Variants in SLC5A10 observed in about 807,000 individuals in gnomAD.
SLC5A10 encodes the protein sodium/mannose cotransporter SLC5A10.
In SLC5A10, 55 loss-of-function variants were observed where a neutral mutation model predicts 68.9. The observed-to-expected ratio is 0.80, with a 90% confidence interval of 0.64 to 1.00. The LOEUF (loss-of-function observed/expected upper bound fraction) is 1.00, where lower values mean the gene tolerates loss of function less well. Among genes scored for constraint, SLC5A10 ranks in the 50% least tolerant of loss-of-function variants. SLC5A10 has a pLI of 0.00. For synonymous variants in SLC5A10, 344 were observed against 344.8 expected (o/e 1.00, Z 0.02); for missense variants, 732 against 819.3 (o/e 0.89, Z 1.30).
In SLC5A10 at chr17:18,952,318, T is replaced by A; in HGVS notation, c.111+2T>A. ...CTGAATGTGGCCGTGGGCATATGGGTAAGGGGACCTGTGGTGGTGTTGGCC... is the reference window on the plus strand; with the variant it reads ...CTGAATGTGGCCGTGGGCATATGGGAAAGGGGACCTGTGGTGGTGTTGGCC... On this transcript the variant is annotated splice_donor_variant, in intron 1 of 14. Coordinates refer to ENST00000395645, the MANE Select transcript of SLC5A10 (RefSeq NM_001042450.4). LOFTEE classifies it high-confidence loss of function. 6.2e-7 allele frequency: 1 copy of A among 1,610,610 alleles called. No individual in the cohort carries two copies. The highest frequency in any genetic ancestry group is 8.5e-7 in the Non-Finnish European group (1 of 1,178,308).
chr17:19,016,354 T>A (rs960899334), intron 11 of SLC5A10, among the ~76,000 whole-genome samples: 1 of 152,178 alleles, frequency 6.6e-6, no homozygotes, highest in African/African-American at 2.4e-5. Flanking sequence ...ATCACTCTTA[T>A]GCCTTTACAT....
At chr17:18,988,181 G>A (rs1020394210) in intron 9 of SLC5A10, 4 of 1,572,124 alleles carry the variant, frequency 2.5e-6, no homozygotes, top group Non-Finnish European at 3.5e-6. Context: ...GGTACTCGAA[G>A]TGTTTGTTGA....
At chr17:18,963,129 C>T (rs2042643769) in intron 5 of SLC5A10, among the ~76,000 whole-genome samples, 1 of 152,206 alleles carries the variant, frequency 6.6e-6, no homozygotes, top group Non-Finnish European at 1.5e-5. Context: ...AGGAGAATTA[C>T]TTGAACTGGG....
intron 9 of SLC5A10, chr17:18,978,612 C>T (rs772239714): frequency 1.2e-6 from 2 of 1,613,172 alleles, no homozygotes; most frequent in Non-Finnish European, 1.7e-6. Context: ...TTGGCCTTGA[C>T]AAGTGCGTAC....
intron 1 of SLC5A10, among the ~76,000 whole-genome samples, chr17:18,956,465 G>GTTTTTTTTTTTTTTTTTTTTTTCT (rs2042505032): frequency 3.1e-5 from 3 of 98,010 alleles, no homozygotes; most frequent in Non-Finnish European, 4.1e-5. Flanking sequence ...TTTTCTTTCT[G>GTTTTTTTTTTTTTTTTTTTTTTCT]TTTTTTTTTT....
intron 5 of SLC5A10, among the ~76,000 whole-genome samples, chr17:18,964,941 G>C (rs1054332055): frequency 6.6e-6 from 1 of 152,094 alleles, no homozygotes; most frequent in South Asian, 2.1e-4. Context: ...TCAGGAGTTC[G>C]AGACCAGCCT....
At chr17:18,990,262 T>C (rs2043380999) in intron 9 of SLC5A10, among the ~76,000 whole-genome samples, 1 of 152,078 alleles carries the variant, frequency 6.6e-6, no homozygotes, top group Non-Finnish European at 1.5e-5. Context: ...CGGGGGTAGA[T>C]GATAGGGCAG....
intron 4 of SLC5A10, 85 bp downstream of exon 4, chr17:18,959,748 C>T: frequency 8.0e-7 from 1 of 1,257,258 alleles, no homozygotes; most frequent in Non-Finnish European, 1.2e-6. Context: ...ACCGTGGCCT[C>T]ACATCAGGAG....
At chr17:18,956,923 C>T (rs1290497265) in intron 1 of SLC5A10, among the ~76,000 whole-genome samples, 2 of 152,056 alleles carry the variant, frequency 1.3e-5, no homozygotes, top group Non-Finnish European at 2.9e-5. Context: ...CCAAGGCAGG[C>T]AGATCACATG....
At chr17:18,988,128 T>C in intron 9 of SLC5A10, 2 of 1,445,474 alleles carry the variant, frequency 1.4e-6, no homozygotes, top group Non-Finnish European at 1.8e-6. Flanking sequence ...CTAGGATTAC[T>C]GGACTCTGAG....
intron 8 of SLC5A10, among the ~76,000 whole-genome samples, chr17:18,973,284 A>T (rs926036087): frequency 1.4e-4 from 21 of 152,196 alleles, no homozygotes; most frequent in African/African-American, 5.1e-4. Context: ...ATCAAGGCCA[A>T]ACGAATCTGC....
chr17:19,015,230 G>GGGCC, intron 11 of SLC5A10, 31 bp downstream of exon 11: 2 of 1,283,154 alleles, frequency 1.6e-6, no homozygotes, highest in Non-Finnish European at 2.1e-6. Flanking sequence ...ACGGGGGTGG[G>GGGCC]GGAACACTAC....
intron 5 of SLC5A10, among the ~76,000 whole-genome samples, chr17:18,964,945 C>T (rs1190517710): frequency 6.6e-6 from 1 of 152,016 alleles, no homozygotes; most frequent in African/African-American, 2.4e-5. Context: ...GAGTTCGAGA[C>T]CAGCCTGGCC....
At chr17:18,983,688 GTCTCGC>G (rs1320025615) in intron 9 of SLC5A10, among the ~76,000 whole-genome samples, 3 of 152,210 alleles carry the variant, frequency 2.0e-5, no homozygotes, top group Admixed American at 6.5e-5. Context: ...TACAGGGCCT[GTCTCGC>G]TCTCTGTGGA....
chr17:19,013,850 G>C (rs1000694459), intron 10 of SLC5A10, among the ~76,000 whole-genome samples: 8 of 152,090 alleles, frequency 5.3e-5, no homozygotes, highest in Non-Finnish European at 1.2e-4. Flanking sequence ...CCGAGCCATT[G>C]TTGGGCCACA....
chr17:19,001,038 C>T (rs182369404), intron 9 of SLC5A10, among the ~76,000 whole-genome samples: 42 of 152,274 alleles, frequency 2.8e-4, no homozygotes, highest in South Asian at 6.2e-4. Context: ...CAGGCCTGGT[C>T]CCCACCCCTC....
At position 18,960,550 on chromosome 17, in the gene SLC5A10, C is replaced by T. The variant is rs754960897; in HGVS notation, c.351C>T (p.Ile117=). 11 of 1,613,992 alleles carry T rather than the reference C, an allele frequency of 6.8e-6. No homozygotes were observed. The highest frequency in any genetic ancestry group is 6.7e-5 in the Admixed American group (4 of 60,016). Residue 117 remains isoleucine, a splice_region_variant and synonymous_variant, in exon 5 of 15, where the codon ATC becomes ATT. Coordinates refer to ENST00000395645, the MANE Select transcript of SLC5A10 (RefSeq NM_001042450.4). ...CCCCTACCCATGTGCCTTCCCAGAT[C>T]GTCACCTTACCTGAGTACATTCAGA... The part of the protein sequence containing the change: ...VFVPIYISSE[I]VTLPEYIQKR...
chr17:18,971,066 A>G lies in SLC5A10; in HGVS notation c.694A>G (p.Ile232Val), dbSNP rs767843725. Residue 232 changes from isoleucine to valine, a missense_variant, in exon 8 of 15, where the codon ATT becomes GTT. Physicochemically the swap from Ile to Val is conservative, Grantham distance 29 (BLOSUM62 3). Coordinates refer to ENST00000395645, the MANE Select transcript of SLC5A10 (RefSeq NM_001042450.4). This position sits in a 1 kb window ranked among gnomAD's most constrained non-coding sequence, Gnocchi z 5.5. ...GCTGGAGGCAGCCTACGCCCAGGCCATTCCCTCCAGGACCATTGCCAACAC... is the reference window on the plus strand; with the variant it reads ...GCTGGAGGCAGCCTACGCCCAGGCCGTTCCCTCCAGGACCATTGCCAACAC... ...GQLEAAYAQAIPSRTIANTTC... is the reference protein window; with the variant it reads ...GQLEAAYAQAVPSRTIANTTC... 5 of 1,614,034 alleles carry G rather than the reference A, an allele frequency of 3.1e-6. No homozygotes were observed. The highest frequency in any genetic ancestry group is 4.2e-6 in the Non-Finnish European group (5 of 1,180,004).
intron 9 of SLC5A10, among the ~76,000 whole-genome samples, chr17:18,985,327 G>T (rs1555574606): frequency 6.6e-6 from 1 of 152,184 alleles, no homozygotes; most frequent in Non-Finnish European, 1.5e-5. Flanking sequence ...TCTGCCCAAG[G>T]TTACCATGCA....
Sources: allele counts gnomAD v4.1 joint callset (sites outside exome capture counted in the v4.1 genomes callset), GRCh38; gene constraint gnomAD v4.1.1; non-coding constraint Gnocchi (gnomAD v3.1); transcripts MANE v1.5; gene names NCBI Gene and HGNC (gene_info 2026-07-23, HGNC 2026-07-21).